The following LCLAT1 variants were observed in gnomAD, a reference collection of about 807,000 sequenced individuals.
The protein encoded by LCLAT1 is lysocardiolipin acyltransferase 1.
A neutral mutation model predicts 30.7 loss-of-function variants in LCLAT1; 11 were observed. The ratio of observed to expected loss-of-function variants is 0.36; its 90% CI spans 0.23 to 0.59. LCLAT1 has a LOEUF of 0.59. LCLAT1 is among the 20% of genes least tolerant of loss of function. The pLI is 0.77. For missense variants in LCLAT1, 402 were observed against 458.6 expected, an observed-to-expected ratio of 0.88 and a Z score of 1.13; for synonymous variants, 155 against 151.3, an observed-to-expected ratio of 1.02 and a Z score of -0.18.
chr2:30,565,159 A>T (rs982745266), intron 4 of LCLAT1, among the ~76,000 whole-genome samples: 2 of 152,134 alleles, frequency 1.3e-5, no homozygotes, highest in African/African-American at 4.8e-5. Context: ...ATATAGAAAG[A>T]GGTTGAGATT....
At chr2:30,580,435 T>C (rs998773213) in intron 5 of LCLAT1, among the ~76,000 whole-genome samples, 1 of 152,104 alleles carries the variant, frequency 6.6e-6, no homozygotes, top group Non-Finnish European at 1.5e-5. Flanking sequence ...TATAATGTAT[T>C]TGATGACCTT....
intron 1 of LCLAT1, among the ~76,000 whole-genome samples, chr2:30,487,591 A>G (rs1683624789): frequency 6.6e-6 from 1 of 152,176 alleles, no homozygotes; most frequent in Non-Finnish European, 1.5e-5. Flanking sequence ...ACTAAATACA[A>G]CCAGTCCTGA....
chr2:30,587,557 A>C (rs892321904), intron 5 of LCLAT1, among the ~76,000 whole-genome samples: 1 of 152,224 alleles, frequency 6.6e-6, no homozygotes, highest in South Asian at 2.1e-4. Flanking sequence ...AAGTCTGACA[A>C]GTCCTCTTGT....
intron 5 of LCLAT1, among the ~76,000 whole-genome samples, chr2:30,579,957 G>A (rs1400799839): frequency 6.6e-6 from 1 of 152,034 alleles, no homozygotes; most frequent in Admixed American, 6.6e-5. Context: ...TCCCAAAATA[G>A]TATCTTATTT....
At chr2:30,553,770 G>A (rs1664788838) in intron 3 of LCLAT1, among the ~76,000 whole-genome samples, 1 of 152,018 alleles carries the variant, frequency 6.6e-6, no homozygotes, top group African/African-American at 2.4e-5. Flanking sequence ...AGCCGAGATT[G>A]CGCCACTGCA....
chr2:30,452,221 A>G lies in LCLAT1; in HGVS notation c.-5+4838A>G, dbSNP rs1339182338. Among the ~76,000 whole-genome samples the G allele has an allele frequency of 3.3e-5, 5 of 152,286 alleles. No homozygotes were observed. The South Asian group carries it at 8.3e-4, about 25-fold the overall frequency. ...GAGGATTGTGCACTTTATTGTATAT[A>G]TATACTTTAATAATAAAAAAGAGGC... On this transcript the variant is annotated intron_variant, in intron 1 of 5. Coordinates refer to ENST00000379509, the MANE Select transcript of LCLAT1 (RefSeq NM_001002257.3).
chr2:30,501,352 A>G (rs559879057), intron 1 of LCLAT1, among the ~76,000 whole-genome samples: 153 of 152,304 alleles, frequency 1.0e-3, no homozygotes, highest in African/African-American at 3.6e-3. Context: ...TGGTGTGTTC[A>G]TTCAGTTTGC....
At chr2:30,458,066 T>G (rs1394371129) in intron 1 of LCLAT1, among the ~76,000 whole-genome samples, 2 of 152,130 alleles carry the variant, frequency 1.3e-5, no homozygotes, top group Non-Finnish European at 2.9e-5. Flanking sequence ...AGAGGCAACT[T>G]TTCACTTGGT....
At chr2:30,466,607 T>C (rs1682444170) in intron 1 of LCLAT1, among the ~76,000 whole-genome samples, 1 of 152,248 alleles carries the variant, frequency 6.6e-6, no homozygotes, top group African/African-American at 2.4e-5. Context: ...GATGTCTTTA[T>C]ATTTTTTCTA....
intron 5 of LCLAT1, among the ~76,000 whole-genome samples, chr2:30,600,362 T>C (rs1170328428): frequency 6.6e-6 from 1 of 152,138 alleles, no homozygotes; most frequent in Non-Finnish European, 1.5e-5. Flanking sequence ...TGAACACAGC[T>C]AAAGCAGTGT....
At chr2:30,541,126 A>AT (rs1239024389) in intron 3 of LCLAT1, among the ~76,000 whole-genome samples, 1 of 151,570 alleles carries the variant, frequency 6.6e-6, no homozygotes, top group African/African-American at 2.4e-5. Context: ...TGTTTAGGTT[A>AT]TTTTTTTTCT....
chr2:30,640,452 A>G lies in LCLAT1; in HGVS notation c.964A>G (p.Met322Val), dbSNP rs767915440. The stretch of plus-strand genomic sequence containing the variant: ...GTATTGGACCCTGTTCAGCCCTGCA[A>G]TGTGCCTACTCATATATTTGTACAG... ...ILYWTLFSPAMCLLIYLYSLV... is the reference protein window; with the variant it reads ...ILYWTLFSPAVCLLIYLYSLV... The change falls in exon 6 of 6, where the codon ATG becomes GTG. Residue 322 changes from methionine (M) to valine (V), a missense_variant. By Grantham distance (21) the Met-to-Val change is conservative (BLOSUM62 1). Transcript: ENST00000379509. The G allele has an allele frequency of 1.7e-5, 27 of 1,614,070 alleles. No individual in the cohort carries two copies. The Admixed American group carries it at 4.3e-4, about 26-fold the overall frequency.
At chr2:30,553,743 AAGC>A (rs1339579853) in intron 3 of LCLAT1, among the ~76,000 whole-genome samples, 11 of 152,102 alleles carry the variant, frequency 7.2e-5, no homozygotes, top group Non-Finnish European at 1.0e-4. Context: ...TGAACCCGGG[AAGC>A]GGAGCTTGCA....
At chr2:30,492,040 G>A (rs829653) in intron 1 of LCLAT1, among the ~76,000 whole-genome samples, 126,316 of 152,164 alleles carry the variant, frequency 0.83, 52,597 homozygotes, top group East Asian at 0.94. Context: ...GTATCATGTC[G>A]TATGTATCCA....
chr2:30,524,649 A>G (rs541160606), intron 1 of LCLAT1, among the ~76,000 whole-genome samples: 1 of 152,332 alleles, frequency 6.6e-6, no homozygotes, highest in South Asian at 2.1e-4. Context: ...GATACAATAT[A>G]TGCTATGCTA....
intron 1 of LCLAT1, among the ~76,000 whole-genome samples, chr2:30,516,466 T>C (rs1394709135): frequency 6.6e-6 from 1 of 152,194 alleles, no homozygotes; most frequent in African/African-American, 2.4e-5. Context: ...CCATTGTTTC[T>C]GCGCGGCTAA....
chr2:30,635,389 A>T (rs552742471), intron 5 of LCLAT1, among the ~76,000 whole-genome samples: 5 of 152,274 alleles, frequency 3.3e-5, no homozygotes, highest in Admixed American at 2.0e-4. Context: ...CTAGGCTGCC[A>T]GCACTGCTCA....
chr2:30,525,722 C>T lies in LCLAT1; in HGVS notation c.132C>T (p.Asn44=). The change falls in exon 2 of 6, where the codon AAC becomes AAT. Residue 44 remains asparagine (N), a synonymous_variant. Coordinates refer to ENST00000379509, the MANE Select transcript of LCLAT1 (RefSeq NM_001002257.3). ...CATCTTGGTATCGCTGGATCAACAACCGCCTTGTGGCAACATGGCTCACCC... is the reference window on the plus strand; with the variant it reads ...CATCTTGGTATCGCTGGATCAACAATCGCCTTGTGGCAACATGGCTCACCC... The part of the protein sequence containing the change: ...VNPSWYRWIN[N]RLVATWLTLP... 3 of 1,614,116 alleles carry T rather than the reference C, an allele frequency of 1.9e-6. No homozygotes were observed. The South Asian group carries it at 3.3e-5, about 18-fold the overall frequency.
intron 1 of LCLAT1, chr2:30,459,744 G>T: frequency 6.6e-7 from 1 of 1,524,348 alleles, no homozygotes; most frequent in South Asian, 1.1e-5. Flanking sequence ...TAATGATTTA[G>T]ATGCTTGAGG....
Sources: allele counts gnomAD v4.1 joint callset (sites outside exome capture counted in the v4.1 genomes callset), GRCh38; gene constraint gnomAD v4.1.1; transcripts MANE v1.5; gene names NCBI Gene and HGNC (gene_info 2026-07-23, HGNC 2026-07-21).